The following DICER1 variants were observed in gnomAD, a reference collection of about 807,000 sequenced individuals.
DICER1 encodes the protein dicer 1, ribonuclease III, also known as endoribonuclease Dicer.
In DICER1, 43 loss-of-function variants were observed where a neutral mutation model predicts 194.1. That is an observed-to-expected ratio of 0.22 (90% CI 0.17 to 0.29). The LOEUF is 0.29. Among genes scored for constraint, DICER1 ranks in the 10% least tolerant of loss-of-function variants. DICER1 has a pLI of 1.00. For missense variants in DICER1, 1,608 were observed against 2,317.0 expected, an observed-to-expected ratio of 0.69 and a Z score of 6.28; for synonymous variants, 832 against 820.5, an observed-to-expected ratio of 1.01 and a Z score of -0.24.
In DICER1 at chr14:95,105,390, C is replaced by T; in HGVS notation, c.3094-144G>A. ...AAAAAATATTTGTAAAAATAATCCT[C>T]TAAGGCCAAATGGGATTTATCAAAG... is the stretch of plus-strand genomic sequence containing the variant. On this transcript the variant is annotated intron_variant, in intron 19 of 26. Coordinates refer to ENST00000343455, the MANE Select transcript of DICER1 (RefSeq NM_177438.3). This position sits in a 1 kb window ranked among gnomAD's most constrained non-coding sequence, Gnocchi z 4.9. The T allele has an allele frequency of 3.6e-6, 3 of 827,730 alleles. No homozygotes were observed. The highest frequency in any genetic ancestry group is 3.9e-6 in the Non-Finnish European group (2 of 516,722). 51.3% of individuals were successfully genotyped at this position (827,730 alleles called of 1,614,324 possible).
intron 6 of DICER1, among the ~76,000 whole-genome samples, chr14:95,127,665 A>G (rs1302532086): frequency 6.6e-6 from 1 of 152,222 alleles, no homozygotes; most frequent in Non-Finnish European, 1.5e-5. Context: ...CCAGCACTCA[A>G]AAGGTTTCAG....
intron 1 of DICER1, among the ~76,000 whole-genome samples, chr14:95,156,899 CCCAGGCCTCG>C (rs1037598657): frequency 6.6e-6 from 1 of 152,164 alleles, no homozygotes; most frequent in African/African-American, 2.4e-5. Flanking sequence ...TGTCAAGAGC[CCCAGGCCTCG>C]CCAGGCCGGG....
At chr14:95,156,119 T>C (rs1895843753) in intron 1 of DICER1, among the ~76,000 whole-genome samples, 1 of 152,224 alleles carries the variant, frequency 6.6e-6, no homozygotes, top group African/African-American at 2.4e-5. Flanking sequence ...CCAATACATA[T>C]TCAATATAGC....
chr14:95,129,241 C>A (rs894728042), intron 6 of DICER1: 11 of 483,206 alleles, frequency 2.3e-5, no homozygotes, highest in African/African-American at 2.1e-4. Context: ...AGAGCTGACA[C>A]ATAATCTCTT....
At chr14:95,144,033 C>G (rs1005587967) in intron 1 of DICER1, among the ~76,000 whole-genome samples, 2 of 152,162 alleles carry the variant, frequency 1.3e-5, no homozygotes, top group African/African-American at 4.8e-5. Flanking sequence ...AAAACAACTC[C>G]TACCTACTTC....
intron 1 of DICER1, among the ~76,000 whole-genome samples, chr14:95,153,367 G>T (rs1895640780): frequency 6.6e-6 from 1 of 152,166 alleles, no homozygotes; most frequent in South Asian, 2.1e-4. Flanking sequence ...CCACCCAAAA[G>T]AAATTAATGA....
At chr14:95,141,167 C>A (rs1333765037) in intron 1 of DICER1, 1 of 152,122 alleles carries the variant, frequency 6.6e-6, no homozygotes. Flanking sequence ...GCTGAGAAAT[C>A]CAAATAACCC....
At chr14:95,152,971 C>T (rs1019283697) in intron 1 of DICER1, among the ~76,000 whole-genome samples, 3 of 152,004 alleles carry the variant, frequency 2.0e-5, no homozygotes, top group African/African-American at 7.3e-5. Flanking sequence ...AATCCCAGCA[C>T]TTTGGGAGGC....
intron 22 of DICER1, among the ~76,000 whole-genome samples, chr14:95,098,285 A>G (rs1890545871): frequency 6.6e-6 from 1 of 152,218 alleles, no homozygotes; most frequent in African/African-American, 2.4e-5. Context: ...CATTCAAGTC[A>G]ACTTTGATAC....
chr14:95,105,895 C>T lies in DICER1; in HGVS notation c.2988-112G>A. 7.2e-7 allele frequency: 1 copy of T among 1,390,624 alleles called. No individual in the cohort carries two copies. The highest frequency in any genetic ancestry group is 1.0e-6 in the Non-Finnish European group (1 of 977,872). The allele number at this position is 1,390,624 out of a possible 1,614,324, so 86.1% of individuals were successfully genotyped here. A position where few individuals can be genotyped will look rare whatever the true frequency, so the allele number is the denominator to read the frequency against. On this transcript the variant is annotated intron_variant, in intron 18 of 26. Transcript: ENST00000343455. The surrounding 1 kb of genome is among the most constrained non-coding windows in gnomAD (Gnocchi z 4.9). ...ATTTCAACTACAGCCTCTTGGGCTA[C>T]CCCTTGGGCAAGTTTGTGTGCAAAG...
chr14:95,112,368 C>A (rs796206094), intron 12 of DICER1, 121 bp from the exon 13 acceptor site: 9 of 813,556 alleles, frequency 1.1e-5, no homozygotes, highest in African/African-American at 8.7e-5. Flanking sequence ...AAACAAAATT[C>A]TTTATTTTGA....
rs1893266344 is a variant in DICER1, at chr14:95,124,795, G to C, written c.904-127C>G. On this transcript the variant is annotated intron_variant, in intron 7 of 26. Coordinates refer to ENST00000343455, the MANE Select transcript of DICER1 (RefSeq NM_177438.3). This position sits in a 1 kb window ranked among gnomAD's most constrained non-coding sequence, Gnocchi z 4.5. ...TAAATGTAACCCAGCCTTAGGTTAA[G>C]TCCCTGAAGGTGGGGGGAGAGGCCA... The C allele has an allele frequency of 1.3e-6, 1 of 772,874 alleles. No individual in the cohort carries two copies. The highest frequency in any genetic ancestry group is 2.1e-6 in the Non-Finnish European group (1 of 470,178). 47.9% of individuals were successfully genotyped at this position (772,874 alleles called of 1,614,324 possible).
chr14:95,099,957 T>C (rs779071962), intron 21 of DICER1, 22 bp from the exon 22 acceptor site: 2 of 1,613,348 alleles, frequency 1.2e-6, no homozygotes, highest in African/African-American at 2.7e-5. Flanking sequence ...AATATTAGGA[T>C]ACTTATCCAT....
At chr14:95,106,348 T>C in intron 17 of DICER1, 125 bp from the exon 18 acceptor site, 1 of 749,858 alleles carries the variant, frequency 1.3e-6, no homozygotes, top group Non-Finnish European at 2.3e-6. Context: ...TAAGTAACAA[T>C]AAACATCTGT....
At chr14:95,127,164 A>G (rs1893547522) in intron 6 of DICER1, among the ~76,000 whole-genome samples, 1 of 152,222 alleles carries the variant, frequency 6.6e-6, no homozygotes, top group Non-Finnish European at 1.5e-5. Context: ...AAAACTCAGG[A>G]CTGCCTTCCT....
chr14:95,102,988 A>G (rs1312965879), intron 21 of DICER1, among the ~76,000 whole-genome samples: 1 of 152,212 alleles, frequency 6.6e-6, no homozygotes, highest in East Asian at 1.9e-4. Context: ...TCAACAAAGC[A>G]GAAGCTCCTT....
At position 95,104,210 on chromosome 14, in the gene DICER1, A is replaced by C. The variant is rs1177735140; in HGVS notation, c.3270-84T>G. On this transcript the variant is annotated intron_variant, in intron 20 of 26. Coordinates refer to ENST00000343455, the MANE Select transcript of DICER1 (RefSeq NM_177438.3). ...AACAGCAATTTGAATTTAAAAACAA[A>C]AACAAAGATCCCAAAAATGTACTCC... 7 of 1,183,206 alleles carry C rather than the reference A, an allele frequency of 5.9e-6. No individual in the cohort carries two copies. The African/African-American group carries it at 1.1e-4, about 18-fold the overall frequency. The allele number at this position is 1,183,206 out of a possible 1,614,324, so 73.3% of individuals were successfully genotyped here.
rs2139962955 is a variant in DICER1 at position 95,103,731 on chromosome 14, A to G, written c.3665T>C (p.Leu1222Ser). The G allele has an allele frequency of 6.2e-7, 1 of 1,614,252 alleles. No homozygotes were observed. Among genetic ancestry groups the G allele is most frequent in the Non-Finnish European group, 8.5e-7 (1 of 1,180,036 alleles). Reference protein sequence around the residue: ...QPTTSYSIQNLYSYENQPQPS... With the variant: ...QPTTSYSIQNSYSYENQPQPS... ...CTGGGGCTGGTTCTCGTAACTGTAT[A>G]AATTCTGAATGGAATATGAGGTAGT... The change falls in exon 21 of 27, where the codon TTA becomes TCA. Residue 1222 changes from leucine to serine, a missense_variant. Around this residue, in one of 10 missense-constraint regions of DICER1, gnomAD observed 222 missense variants for 215.5 expected, o/e 1.03. Coordinates refer to ENST00000343455, the MANE Select transcript of DICER1 (RefSeq NM_177438.3).
intron 22 of DICER1, among the ~76,000 whole-genome samples, chr14:95,097,292 A>T (rs939799096): frequency 6.6e-6 from 1 of 152,240 alleles, no homozygotes; most frequent in African/African-American, 2.4e-5. Context: ...ACTTCAAAGT[A>T]TACTTGCCAC....
Sources: gnomAD v4.1 joint callset for allele counts (sites outside exome capture counted in the v4.1 genomes callset) on GRCh38, gnomAD v4.1.1 for gene constraint, gnomAD v4.1.1 regional missense constraint, Gnocchi (gnomAD v3.1) non-coding constraint, MANE v1.5 for transcripts, NCBI Gene and HGNC (gene_info 2026-07-23, HGNC 2026-07-21) for gene names.